Variants in LMNTD1 observed in about 807,000 individuals in gnomAD.
The protein encoded by LMNTD1 is lamin tail domain containing 1.
A neutral mutation model predicts 50.9 loss-of-function variants in LMNTD1; 35 were observed. The ratio of observed to expected loss-of-function variants is 0.69; its 90% CI spans 0.53 to 0.91. The LOEUF is 0.91. Ranked by LOEUF, LMNTD1 falls within the 40% of genes least tolerant of loss-of-function variation. The pLI, the probability that LMNTD1 is intolerant of heterozygous loss-of-function variation, is 0.00. For missense variants in LMNTD1, 470 were observed against 475.5 expected (o/e 0.99, Z 0.11); for synonymous variants, 153 against 161.9 (o/e 0.94, Z 0.42).
chr12:25,558,714 A>G (rs772842517), intron 1 of LMNTD1, among the ~76,000 whole-genome samples: 4 of 152,194 alleles, frequency 2.6e-5, no homozygotes, highest in Non-Finnish European at 5.9e-5. Context: ...GTTGTCTCAC[A>G]TGGCGGCAGG....
intron 1 of LMNTD1, among the ~76,000 whole-genome samples, chr12:25,592,153 A>G (rs915685674): frequency 1.3e-5 from 2 of 152,212 alleles, no homozygotes; most frequent in African/African-American, 2.4e-5. Flanking sequence ...AAGAATATCT[A>G]CAAGGATCAA....
chr12:25,531,047 G>A (rs1235885163), intron 4 of LMNTD1, among the ~76,000 whole-genome samples: 1 of 152,164 alleles, frequency 6.6e-6, no homozygotes, highest in Non-Finnish European at 1.5e-5. Flanking sequence ...GCAAGGACTG[G>A]GGAGTGGCCT....
At chr12:25,571,919 G>A (rs1328637162) in intron 1 of LMNTD1, among the ~76,000 whole-genome samples, 1 of 152,114 alleles carries the variant, frequency 6.6e-6, no homozygotes, top group African/African-American at 2.4e-5. Flanking sequence ...TGATCCACCT[G>A]CCTCAGTCTC....
intron 4 of LMNTD1, among the ~76,000 whole-genome samples, chr12:25,528,336 G>T (rs924206996): frequency 6.6e-6 from 1 of 152,136 alleles, no homozygotes; most frequent in Non-Finnish European, 1.5e-5. Flanking sequence ...CTCAATAAAT[G>T]TTAACCCTTG....
intron 1 of LMNTD1, among the ~76,000 whole-genome samples, chr12:25,572,124 A>C (rs61926996): frequency 2.0e-5 from 3 of 152,162 alleles, no homozygotes; most frequent in African/African-American, 7.2e-5. Context: ...AAATAACTTC[A>C]TAGGTTTCAA....
intron 1 of LMNTD1, among the ~76,000 whole-genome samples, chr12:25,564,038 G>A (rs1236076684): frequency 6.6e-6 from 1 of 152,142 alleles, no homozygotes; most frequent in Non-Finnish European, 1.5e-5. Context: ...CAATTTTCCA[G>A]GTACCACCCA....
At position 25,613,346 on chromosome 12, in the gene LMNTD1, T is replaced by A. The variant is rs147269377; in HGVS notation, c.58+35148A>T. 2.6e-5 allele frequency among the ~76,000 whole-genome samples: 4 copies of A among 152,302 alleles called. No homozygotes were observed. The East Asian group carries it at 7.7e-4, about 29-fold the overall frequency. On this transcript the variant is annotated intron_variant, in intron 1 of 7. Transcript: ENST00000445693. ...AGATAAGCTTAGGAACCAAAAGACC[T>A]GTGTGTGTTTTGACTCTACCGTTTT...
chr12:25,636,130 A>C (rs1946828353), intron 1 of LMNTD1, among the ~76,000 whole-genome samples: 1 of 152,228 alleles, frequency 6.6e-6, no homozygotes, highest in Admixed American at 6.5e-5. Flanking sequence ...AAAGATAAAT[A>C]GTAGGGACCT....
intron 1 of LMNTD1, among the ~76,000 whole-genome samples, chr12:25,574,849 A>G (rs947181490): frequency 2.6e-5 from 4 of 152,220 alleles, no homozygotes; most frequent in African/African-American, 9.6e-5. Context: ...ACTGGTAATT[A>G]TAGCTTTGGT....
At chr12:25,610,459 T>C (rs1565518110) in intron 1 of LMNTD1, among the ~76,000 whole-genome samples, 1 of 152,210 alleles carries the variant, frequency 6.6e-6, no homozygotes, top group African/African-American at 2.4e-5. Flanking sequence ...TGTTCCTATT[T>C]GGCCATCTTG....
intron 2 of LMNTD1, among the ~76,000 whole-genome samples, chr12:25,549,860 C>T (rs1943653457): frequency 6.6e-6 from 1 of 152,088 alleles, no homozygotes; most frequent in African/African-American, 2.4e-5. Flanking sequence ...TTACCATCTC[C>T]TTCCAGGCTT....
intron 1 of LMNTD1, among the ~76,000 whole-genome samples, chr12:25,644,741 G>A (rs985192198): frequency 1.1e-4 from 17 of 151,244 alleles, no homozygotes; most frequent in African/African-American, 2.9e-4. Context: ...TTAACTATAA[G>A]AACAAGAATC....
rs1940205431 is a variant in LMNTD1, at chr12:25,510,717, C to G, written c.1190-6917G>C. Among the ~76,000 whole-genome samples the G allele has an allele frequency of 2.6e-5, 4 of 151,624 alleles. No individual in the cohort carries two copies. In the South Asian group the frequency reaches 8.3e-4, roughly 31 times the overall value. ...TTCCATTTTATTTTTTATATTCCTT[C>G]TAAAATTCTCATTAAAATACCAGTC... is the stretch of plus-strand genomic sequence containing the variant. On this transcript the variant is annotated intron_variant, in intron 8 of 9. Coordinates refer to ENST00000458174, the MANE Select transcript of LMNTD1 (RefSeq NM_001145728.2).
intron 2 of LMNTD1, among the ~76,000 whole-genome samples, chr12:25,552,477 G>A (rs1222742366): frequency 2.0e-5 from 3 of 149,836 alleles, no homozygotes; most frequent in African/African-American, 7.3e-5. Context: ...GTGGTGGCGG[G>A]CGCCTGTAGT....
In LMNTD1 at chr12:25,540,959, G is replaced by A. The variant is rs1181098443; in HGVS notation, c.491+5415C>T. ...AGACAAACGGAGAACCAAACCATGA[G>A]TGAACTCCCATTCACAATTGCTTCA... is the stretch of plus-strand genomic sequence containing the variant. On this transcript the variant is annotated intron_variant, in intron 4 of 9. Transcript: ENST00000458174. 1.8e-4 allele frequency among the ~76,000 whole-genome samples: 26 copies of A among 140,746 alleles called. No individual in the cohort carries two copies. In the East Asian group the frequency reaches 3.3e-3, roughly 18 times the overall value. The allele number at this position is 140,746 out of a possible 152,430, so 92.3% of individuals were successfully genotyped here.
intron 1 of LMNTD1, among the ~76,000 whole-genome samples, chr12:25,612,328 A>ACACGCG (rs34069424): frequency 0.12 from 17,238 of 146,364 alleles, 1,405 homozygotes; most frequent in East Asian, 0.25. Flanking sequence ...ACACACACAC[A>ACACGCG]CGCGCTCCCA....
At chr12:25,598,881 G>C (rs1026642087) in intron 1 of LMNTD1, among the ~76,000 whole-genome samples, 3 of 151,900 alleles carry the variant, frequency 2.0e-5, no homozygotes, top group African/African-American at 7.2e-5. Context: ...GTAAAGAAAA[G>C]CCCAGAACAC....
chr12:25,539,255 A>T (rs1202540651), intron 4 of LMNTD1, among the ~76,000 whole-genome samples: 1 of 150,374 alleles, frequency 6.7e-6, no homozygotes, highest in East Asian at 2.0e-4. Context: ...CTCCACCCCA[A>T]ATCAACAGAA....
At chr12:25,594,855 T>C (rs1259524398) in intron 1 of LMNTD1, among the ~76,000 whole-genome samples, 1 of 151,952 alleles carries the variant, frequency 6.6e-6, no homozygotes, top group East Asian at 1.9e-4. Context: ...CACATAAGGA[T>C]GCACATAAAC....
Sources: gnomAD v4.1 joint callset for allele counts (sites outside exome capture counted in the v4.1 genomes callset) on GRCh38, gnomAD v4.1.1 for gene constraint, MANE v1.5 for transcripts, NCBI Gene and HGNC (gene_info 2026-07-23, HGNC 2026-07-21) for gene names.